The following STON2 variants were observed in gnomAD, a reference collection of about 807,000 sequenced individuals.
STON2 encodes the protein stonin 2.
A neutral mutation model predicts 65.7 loss-of-function variants in STON2; 29 were observed. The ratio of observed to expected loss-of-function variants is 0.44; its 90% CI spans 0.33 to 0.60. STON2 has a LOEUF of 0.60. Ranked by LOEUF, STON2 falls within the 20% of genes least tolerant of loss-of-function variation. The probability of loss-of-function intolerance (pLI) is 0.03; values close to 1 mark genes in which losing one functional copy is unlikely to be tolerated. For synonymous variants in STON2, 404 were observed against 414.2 expected, an observed-to-expected ratio of 0.98 and a Z score of 0.30; for missense variants, 1,054 against 1,118.1, an observed-to-expected ratio of 0.94 and a Z score of 0.82.
intron 2 of STON2, among the ~76,000 whole-genome samples, chr14:81,406,876 C>T (rs1900892895): frequency 6.6e-6 from 1 of 152,182 alleles, no homozygotes; most frequent in South Asian, 2.1e-4. Context: ...CTCCTCTCTC[C>T]CCATCCCCAT....
At chr14:81,400,916 C>G (rs571881275), upstream of STON2, among the ~76,000 whole-genome samples, 2 of 152,256 alleles carry the variant, frequency 1.3e-5, no homozygotes, top group East Asian at 1.9e-4. Context: ...AGATAATGTA[C>G]GCCAAGTACT....
intron 5 of STON2, among the ~76,000 whole-genome samples, chr14:81,304,326 T>C (rs1896087224): frequency 6.6e-6 from 1 of 152,208 alleles, no homozygotes; most frequent in Admixed American, 6.5e-5. Flanking sequence ...CTTTGATCCT[T>C]TCAACAACCC....
intron 3 of STON2, among the ~76,000 whole-genome samples, chr14:81,384,691 A>C (rs573572691): frequency 1.3e-5 from 2 of 152,218 alleles, no homozygotes; most frequent in African/African-American, 4.8e-5. Context: ...GGAAATCAAA[A>C]TAACATGGAT....
At position 81,268,259 on chromosome 14, in the gene STON2, C is replaced by A; in HGVS notation, c.*155G>T. 8.7e-7 allele frequency: 1 copy of A among 1,150,302 alleles called. No individual in the cohort carries two copies. Among genetic ancestry groups the A allele is most frequent in the Non-Finnish European group, 1.1e-6 (1 of 923,266 alleles). 71.3% of individuals were successfully genotyped at this position (1,150,302 alleles called of 1,614,324 possible). On this transcript the variant is annotated 3_prime_UTR_variant, in exon 8 of 8. Transcript: ENST00000614646. The stretch of plus-strand genomic sequence containing the variant: ...GGGTTTCCTGGTAAAATACAAGTAA[C>A]TGCAAACAGGAAGATCTGGTATACT...
At chr14:81,362,461 G>C (rs149172425) in intron 4 of STON2, among the ~76,000 whole-genome samples, 428 of 152,292 alleles carry the variant, frequency 2.8e-3, no homozygotes, top group Middle Eastern at 0.017. Flanking sequence ...AAAGTAGAAT[G>C]GTGGTTACCA....
intron 3 of STON2, among the ~76,000 whole-genome samples, chr14:81,384,202 A>G (rs918576725): frequency 1.3e-5 from 2 of 151,640 alleles, no homozygotes; most frequent in Non-Finnish European, 2.9e-5. Context: ...TCTCCTTCCC[A>G]GTTTGTTACC....
rs559195954 is a variant in STON2, at chr14:81,262,067, C to T, written c.*6347G>A. Reference sequence around the variant, plus strand: ...CATAGGAAGAGTCACTGAAAGGTGGCACCAATGGATATTTTGTAAAATAAC... The same window carrying T: ...CATAGGAAGAGTCACTGAAAGGTGGTACCAATGGATATTTTGTAAAATAAC... On this transcript the variant is annotated 3_prime_UTR_variant, in exon 8 of 8. Transcript: ENST00000614646. 1.5e-5 allele frequency: 20 copies of T among 1,299,404 alleles called. No homozygotes were observed. In the East Asian group the frequency reaches 4.9e-4, roughly 32 times the overall value. 80.5% of individuals were successfully genotyped at this position (1,299,404 alleles called of 1,614,324 possible). A position where few individuals can be genotyped will look rare whatever the true frequency, so the allele number is the denominator to read the frequency against.
At chr14:81,340,037 CT>C (rs1229558010) in intron 4 of STON2, among the ~76,000 whole-genome samples, 2 of 152,194 alleles carry the variant, frequency 1.3e-5, no homozygotes, top group Non-Finnish European at 2.9e-5. Flanking sequence ...GCCTGTAGTC[CT>C]AGCTACTCGG....
chr14:81,343,092 A>T (rs781215350), intron 4 of STON2, among the ~76,000 whole-genome samples: 4 of 152,156 alleles, frequency 2.6e-5, no homozygotes. Flanking sequence ...GGTTTAGGAG[A>T]AAACACATAA....
chr14:81,293,126 A>G (rs1895623868), intron 5 of STON2, among the ~76,000 whole-genome samples: 1 of 151,616 alleles, frequency 6.6e-6, no homozygotes. Flanking sequence ...TAAGTTATTC[A>G]GACGGTGGCA....
chr14:81,266,962 T>C lies in STON2; in HGVS notation c.*1452A>G. On this transcript the variant is annotated 3_prime_UTR_variant, in exon 8 of 8. Transcript: ENST00000614646. ...CAGTCTTAGTTCAGATATTTCAAAATACTGTAACTATTTCTATATCCCAGT... is the reference window on the plus strand; with the variant it reads ...CAGTCTTAGTTCAGATATTTCAAAACACTGTAACTATTTCTATATCCCAGT... 1.0e-6 allele frequency: 1 copy of C among 985,134 alleles called. No homozygotes were observed. The highest frequency in any genetic ancestry group is 1.2e-6 in the Non-Finnish European group (1 of 829,636). The allele number at this position is 985,134 out of a possible 1,614,324, so 61.0% of individuals were successfully genotyped here.
At chr14:81,285,062 T>C (rs950250891) in intron 5 of STON2, among the ~76,000 whole-genome samples, 1 of 152,202 alleles carries the variant, frequency 6.6e-6, no homozygotes, top group South Asian at 2.1e-4. Flanking sequence ...AGAGCACTGA[T>C]AGAGATGTAC....
intron 2 of STON2, among the ~76,000 whole-genome samples, chr14:81,421,628 T>C (rs1901709034): frequency 6.6e-6 from 1 of 152,098 alleles, no homozygotes; most frequent in Non-Finnish European, 1.5e-5. Context: ...CTCATTGAGA[T>C]TGTGGAAGTA....
rs1318731366 is a variant in STON2 at position 81,398,417 on chromosome 14, C to A, written c.-35G>T. The A allele has an allele frequency of 1.5e-5, 24 of 1,556,872 alleles. No homozygotes were observed. Among genetic ancestry groups the A allele is most frequent in the Non-Finnish European group, 2.1e-5 (24 of 1,128,304 alleles). On this transcript the variant is annotated 5_prime_UTR_variant, in exon 2 of 8. Transcript: ENST00000614646. Reference sequence around the variant, plus strand: ...GCACTGGTCATCTTCACACTGCTGACCTCAGGTGAACCCCAGAATACTGTC... The same window carrying A: ...GCACTGGTCATCTTCACACTGCTGAACTCAGGTGAACCCCAGAATACTGTC...
At chr14:81,329,316 G>A (rs4899787) in intron 4 of STON2, among the ~76,000 whole-genome samples, 19,872 of 151,958 alleles carry the variant, frequency 0.13, 1,551 homozygotes, top group East Asian at 0.22. Context: ...TTAGCCAGGC[G>A]TGGTGGCAGG....
intron 3 of STON2, among the ~76,000 whole-genome samples, chr14:81,388,779 G>A (rs1899943172): frequency 6.6e-6 from 1 of 152,178 alleles, no homozygotes; most frequent in Admixed American, 6.5e-5. Context: ...GGAATTGGGG[G>A]ATGGAAAAGG....
At position 81,278,349 on chromosome 14, in the gene STON2, T is replaced by C. The variant is rs35419112; in HGVS notation, c.1133A>G (p.Gln378Arg). 7,459 of 1,614,192 alleles carry C rather than the reference T, an allele frequency of 4.6e-3. 286 individuals are homozygous for C. In the African/African-American group the frequency reaches 0.088, roughly 19 times the overall value. ...ATNPFLNETLQDVQPSPINPF... is the reference protein window; with the variant it reads ...ATNPFLNETLRDVQPSPINPF... ...GTTGATAGGGGAGGGCTGTACATCC[T>C]GCAGAGTCTCATTCAGGAAAGGGTT... Residue 378 changes from glutamine (Q) to arginine (R), a missense_variant, in exon 6 of 8, where the codon CAG becomes CGG. Coordinates refer to ENST00000614646, the MANE Select transcript of STON2 (RefSeq NM_001394390.1).
intron 5 of STON2, among the ~76,000 whole-genome samples, chr14:81,302,977 T>A (rs913105176): frequency 1.3e-5 from 2 of 152,108 alleles, no homozygotes; most frequent in South Asian, 4.2e-4. Flanking sequence ...AGAAAAATAT[T>A]TGCTGAGTTG....
chr14:81,346,588 A>C (rs1408591526), intron 4 of STON2, among the ~76,000 whole-genome samples: 2 of 152,192 alleles, frequency 1.3e-5, no homozygotes, highest in Non-Finnish European at 2.9e-5. Flanking sequence ...CCTAACATAT[A>C]TTTATCGAAC....
Sources: allele counts gnomAD v4.1 joint callset (sites outside exome capture counted in the v4.1 genomes callset), GRCh38; gene constraint gnomAD v4.1.1; transcripts MANE v1.5; gene names NCBI Gene and HGNC (gene_info 2026-07-23, HGNC 2026-07-21).